Variants in MGAT4C observed in about 807,000 individuals in gnomAD.
MGAT4C encodes the protein alpha-1,3-mannosyl-glycoprotein 4-beta-N-acetylglucosaminyltransferase C.
MGAT4C carries 19 observed loss-of-function variants against 40.1 expected under a neutral mutation model. That is an observed-to-expected ratio of 0.47 (90% CI 0.33 to 0.70). The LOEUF (loss-of-function observed/expected upper bound fraction) is 0.70. Ranked by LOEUF, MGAT4C falls within the 30% of genes least tolerant of loss-of-function variation. The pLI is 0.02. For missense variants in MGAT4C, 491 were observed against 563.2 expected, an observed-to-expected ratio of 0.87 and a Z score of 1.30; for synonymous variants, 181 against 187.1, an observed-to-expected ratio of 0.97 and a Z score of 0.27.
chr12:86,446,684 T>C (rs1227214869), intron 2 of MGAT4C, among the ~76,000 whole-genome samples: 1 of 126,618 alleles, frequency 7.9e-6, no homozygotes, highest in Non-Finnish European at 1.7e-5. Flanking sequence ...TATATATATA[T>C]ATATATATAT....
At chr12:86,698,690 G>A (rs948446074) in intron 2 of MGAT4C, among the ~76,000 whole-genome samples, 3 of 151,874 alleles carry the variant, frequency 2.0e-5, no homozygotes, top group African/African-American at 7.3e-5. Flanking sequence ...GGGGGGGTGG[G>A]TATTCTGTTG....
At chr12:86,473,895 T>C (rs1407811201) in intron 2 of MGAT4C, among the ~76,000 whole-genome samples, 1 of 152,112 alleles carries the variant, frequency 6.6e-6, no homozygotes, top group Non-Finnish European at 1.5e-5. Flanking sequence ...ATGGAGAATT[T>C]GCATGATAGG....
chr12:86,200,490 G>A (rs1950009922), intron 1 of MGAT4C, among the ~76,000 whole-genome samples: 3 of 151,986 alleles, frequency 2.0e-5, no homozygotes, highest in Admixed American at 2.0e-4. Flanking sequence ...AGTTTATGTT[G>A]CTGCACTTCC....
At chr12:86,379,851 A>G (rs1242842969) in intron 3 of MGAT4C, among the ~76,000 whole-genome samples, 1 of 152,038 alleles carries the variant, frequency 6.6e-6, no homozygotes, top group Non-Finnish European at 1.5e-5. Flanking sequence ...CTGAGTTAGA[A>G]TAAGTGTTCT....
At chr12:86,340,407 T>A (rs1384453180) in intron 3 of MGAT4C, among the ~76,000 whole-genome samples, 2 of 151,622 alleles carry the variant, frequency 1.3e-5, no homozygotes, top group East Asian at 4.0e-4. Context: ...AAGCCTATAT[T>A]CAACAAAAAG....
At chr12:86,474,843 A>C (rs772770829) in intron 2 of MGAT4C, among the ~76,000 whole-genome samples, 1 of 151,868 alleles carries the variant, frequency 6.6e-6, no homozygotes, top group African/African-American at 2.4e-5. Context: ...TAAATGCATT[A>C]GTTTCTTCCT....
intron 1 of MGAT4C, among the ~76,000 whole-genome samples, chr12:86,211,523 C>T (rs1050238272): frequency 6.7e-6 from 1 of 150,166 alleles, no homozygotes; most frequent in Non-Finnish European, 1.5e-5. Flanking sequence ...AGAGGCGGAG[C>T]TTGCAGTGAG....
chr12:86,454,262 C>T (rs1957473803), intron 2 of MGAT4C, among the ~76,000 whole-genome samples: 1 of 151,974 alleles, frequency 6.6e-6, no homozygotes, highest in South Asian at 2.1e-4. Context: ...GGGTCTCACC[C>T]TGTTGTCCAG....
intron 2 of MGAT4C, among the ~76,000 whole-genome samples, chr12:86,008,787 C>T (rs1311443814): frequency 6.6e-6 from 1 of 152,014 alleles, no homozygotes; most frequent in Non-Finnish European, 1.5e-5. Context: ...GCTTCTATTC[C>T]TGGATTGATA....
At chr12:86,578,690 G>C (rs1960658471) in intron 2 of MGAT4C, among the ~76,000 whole-genome samples, 1 of 151,706 alleles carries the variant, frequency 6.6e-6, no homozygotes, top group South Asian at 2.1e-4. Flanking sequence ...TTGAATTTCT[G>C]CAGTATCAGT....
At chr12:86,433,005 G>A (rs1957070115) in intron 3 of MGAT4C, among the ~76,000 whole-genome samples, 1 of 151,872 alleles carries the variant, frequency 6.6e-6, no homozygotes, top group Non-Finnish European at 1.5e-5. Flanking sequence ...GCAGCCTCTA[G>A]TCTGAGCCAC....
chr12:86,449,879 G>C (rs1028212204), intron 2 of MGAT4C, among the ~76,000 whole-genome samples: 1 of 151,962 alleles, frequency 6.6e-6, no homozygotes, highest in African/African-American at 2.4e-5. Flanking sequence ...TAATTATTTT[G>C]CTTTGACTGT....
rs180983974 is a variant in MGAT4C at position 86,484,732 on chromosome 12, C to T, written c.-228-49467G>A. Among the ~76,000 whole-genome samples the T allele has an allele frequency of 1.8e-3, 268 of 152,182 alleles. 2 individuals are homozygous for T. The highest frequency in any genetic ancestry group is 6.1e-3 in the African/African-American group (252 of 41,546). ...GAAGAGTGAGACCTGTCAGTCAGCC[C>T]GACAGCCTTTCCTGAGAGAGCCCAA... On this transcript the variant is annotated intron_variant, in intron 2 of 7. Coordinates refer to the MGAT4C transcript ENST00000548651.
chr12:86,604,014 A>G (rs1206739219), intron 2 of MGAT4C, among the ~76,000 whole-genome samples: 1 of 151,690 alleles, frequency 6.6e-6, no homozygotes, highest in Non-Finnish European at 1.5e-5. Context: ...AAACATATAT[A>G]ATTTTTTGTC....
chr12:86,505,660 A>G (rs1339261777), intron 2 of MGAT4C, among the ~76,000 whole-genome samples: 1 of 152,198 alleles, frequency 6.6e-6, no homozygotes. Context: ...AACACATTTA[A>G]TAATTTTAAA....
At chr12:86,727,855 A>C (rs1950848156) in intron 1 of MGAT4C, among the ~76,000 whole-genome samples, 1 of 152,072 alleles carries the variant, frequency 6.6e-6, no homozygotes, top group African/African-American at 2.4e-5. Flanking sequence ...CATTACTTGT[A>C]ACTTTACACA....
chr12:86,224,000 C>T (rs1950980955), intron 1 of MGAT4C, among the ~76,000 whole-genome samples: 2 of 152,104 alleles, frequency 1.3e-5, no homozygotes, highest in African/African-American at 4.8e-5. Flanking sequence ...AAAACCTGGC[C>T]AACAACTGCC....
In MGAT4C at chr12:86,485,542, G is replaced by A. The variant is rs756192660; in HGVS notation, c.-228-50277C>T. Among the ~76,000 whole-genome samples the A allele has an allele frequency of 2.0e-4, 31 of 152,114 alleles. 1 individual carries two copies. The Middle Eastern group carries it at 0.02, about 100-fold the overall frequency. On this transcript the variant is annotated intron_variant, in intron 2 of 7. Transcript: ENST00000548651. ...ACTCAGAAATTAATAATAAAGAAAA[G>A]AAATTTAATGAACAAAATCTTCAAG...
chr12:86,476,863 G>A (rs988932744), intron 2 of MGAT4C, among the ~76,000 whole-genome samples: 1 of 152,064 alleles, frequency 6.6e-6, no homozygotes, highest in Non-Finnish European at 1.5e-5. Context: ...ACATGTAAGT[G>A]GGAGTTAAGC....
Sources: allele counts gnomAD v4.1 joint callset (sites outside exome capture counted in the v4.1 genomes callset), GRCh38; gene constraint gnomAD v4.1.1; transcripts MANE v1.5; gene names NCBI Gene and HGNC (gene_info 2026-07-23, HGNC 2026-07-21).